ZEB2: variants seen among roughly 807,000 people sequenced by gnomAD.
The protein encoded by ZEB2 is zinc finger E-box-binding homeobox 2.
A neutral mutation model predicts 99.9 loss-of-function variants in ZEB2; 6 were observed. The observed-to-expected ratio is 0.06, with a 90% CI of 0.03 to 0.12. The LOEUF is 0.12. Among genes scored for constraint, ZEB2 ranks in the 10% least tolerant of loss-of-function variants. The pLI, the probability that ZEB2 is intolerant of heterozygous loss-of-function variation, is 1.00. For synonymous variants in ZEB2, 517 were observed against 542.5 expected, an observed-to-expected ratio of 0.95 and a Z score of 0.65; for missense variants, 969 against 1,502.8, an observed-to-expected ratio of 0.64 and a Z score of 5.87.
intron 2 of ZEB2, chr2:144,514,513 C>A (rs1705097501): frequency 6.6e-6 from 1 of 152,132 alleles, no homozygotes; most frequent in Admixed American, 6.5e-5. Context: ...ACATCTTTTC[C>A]ATGAATCCAG....
chr2:144,500,916 C>G (rs202124055), intron 2 of ZEB2, among the ~76,000 whole-genome samples: 2 of 152,206 alleles, frequency 1.3e-5, no homozygotes, highest in East Asian at 3.9e-4. Context: ...TGTGCTGTAG[C>G]GCTAGCCTAT....
chr2:144,421,363 T>G (rs1703616452), intron 4 of ZEB2, among the ~76,000 whole-genome samples: 1 of 152,150 alleles, frequency 6.6e-6, no homozygotes, highest in African/African-American at 2.4e-5. Context: ...AGATGCAATT[T>G]CAACCAGAAA....
chr2:144,451,534 T>A (rs1370903949), intron 2 of ZEB2, among the ~76,000 whole-genome samples: 1 of 152,200 alleles, frequency 6.6e-6, no homozygotes, highest in Non-Finnish European at 1.5e-5. Context: ...CTAGGAAAAC[T>A]TGGAAATTTT....
intron 1 of ZEB2, 181 bp downstream of exon 1, chr2:144,519,758 C>G (rs1281547672): frequency 1.7e-5 from 6 of 347,128 alleles, no homozygotes; most frequent in Non-Finnish European, 3.4e-5. Flanking sequence ...GCGAAGAAGC[C>G]ACTCTTGAGA....
At chr2:144,512,127 T>C (rs975930563) in intron 2 of ZEB2, 3 of 1,287,054 alleles carry the variant, frequency 2.3e-6, no homozygotes, top group Non-Finnish European at 3.0e-6. Flanking sequence ...GTTATAAACA[T>C]GTAAATGAAA....
chr2:144,499,578 A>T (rs977536563), intron 2 of ZEB2, among the ~76,000 whole-genome samples: 2 of 152,222 alleles, frequency 1.3e-5, no homozygotes, highest in Non-Finnish European at 2.9e-5. Context: ...AGATGTTTCT[A>T]GATGGAATAA....
chr2:144,396,286 T>C, intron 9 of ZEB2, 126 bp downstream of exon 9: 2 of 1,275,694 alleles, frequency 1.6e-6, no homozygotes, highest in Non-Finnish European at 1.1e-6. Context: ...GGCAAAAGCA[T>C]TATTTCTTCC....
intron 2 of ZEB2, among the ~76,000 whole-genome samples, chr2:144,477,137 C>T (rs1363793954): frequency 3.3e-5 from 5 of 152,132 alleles, no homozygotes; most frequent in Non-Finnish European, 7.3e-5. Flanking sequence ...AAAATGGGCA[C>T]TACCCAAGAA....
intron 2 of ZEB2, among the ~76,000 whole-genome samples, chr2:144,446,308 C>A (rs750389555): frequency 6.6e-6 from 1 of 151,842 alleles, no homozygotes; most frequent in Non-Finnish European, 1.5e-5. Flanking sequence ...CCCCTCTTTC[C>A]GTCCTTCCAC....
intron 2 of ZEB2, among the ~76,000 whole-genome samples, chr2:144,492,932 G>C (rs1195839804): frequency 2.0e-5 from 3 of 152,156 alleles, no homozygotes; most frequent in Non-Finnish European, 4.4e-5. Flanking sequence ...GCTGAGATGG[G>C]CAAGACTGCC....
At chr2:144,512,390 T>C in intron 2 of ZEB2, 1 of 1,287,242 alleles carries the variant, frequency 7.8e-7, no homozygotes, top group East Asian at 5.5e-5. Flanking sequence ...AGCAACGCCC[T>C]CCTTTCCTAC....
At chr2:144,403,125 G>T (rs935350393) in intron 6 of ZEB2, among the ~76,000 whole-genome samples, 3 of 152,182 alleles carry the variant, frequency 2.0e-5, no homozygotes, top group Admixed American at 2.0e-4. Context: ...ATATCAATTT[G>T]CAGAGTCAAT....
chr2:144,461,859 T>C (rs1398527003), intron 2 of ZEB2: 1 of 152,178 alleles, frequency 6.6e-6, no homozygotes, highest in African/African-American at 2.4e-5. Flanking sequence ...CACCGTTTTA[T>C]TACACACGTG....
In ZEB2 at chr2:144,386,491, T is replaced by C. The variant is rs1703085270; in HGVS notation, c.*2960A>G. 6.6e-6 allele frequency: 1 copy of C among 152,072 alleles called. No homozygotes were observed. The highest frequency in any genetic ancestry group is 1.5e-5 in the Non-Finnish European group (1 of 68,014). 9.4% of individuals were successfully genotyped at this position (152,072 alleles called of 1,614,324 possible). The stretch of plus-strand genomic sequence containing the variant: ...AGGTATTCTGAGCCTGCCTATGAAA[T>C]GGAGTTAGGAACAAATGACAGAGAA... On this transcript the variant is annotated 3_prime_UTR_variant, in exon 10 of 10. Coordinates refer to ENST00000627532, the MANE Select transcript of ZEB2 (RefSeq NM_014795.4).
chr2:144,413,940 A>G (rs1703499688), intron 4 of ZEB2, among the ~76,000 whole-genome samples: 2 of 152,204 alleles, frequency 1.3e-5, no homozygotes, highest in Non-Finnish European at 2.9e-5. Flanking sequence ...GAAAGTAAAA[A>G]AAGTTCTTCT....
At position 144,449,324 on chromosome 2, in the gene ZEB2, T is replaced by C. The variant is rs563588285; in HGVS notation, c.74-19298A>G. Among the ~76,000 whole-genome samples the C allele has an allele frequency of 2.6e-5, 4 of 152,308 alleles. No individual in the cohort carries two copies. In the South Asian group the frequency reaches 8.3e-4, roughly 32 times the overall value. The stretch of plus-strand genomic sequence containing the variant: ...GAAAATGTGCTTTGTTATTTCCTTC[T>C]GGCACCTTGCTCATTACCATTCTAA... On this transcript the variant is annotated intron_variant, in intron 2 of 9. Coordinates refer to ENST00000627532, the MANE Select transcript of ZEB2 (RefSeq NM_014795.4).
At chr2:144,468,785 G>A (rs983392318) in intron 2 of ZEB2, among the ~76,000 whole-genome samples, 2 of 152,086 alleles carry the variant, frequency 1.3e-5, no homozygotes, top group African/African-American at 2.4e-5. Flanking sequence ...CTGGGATGCT[G>A]TTTCTACCAC....
chr2:144,491,016 C>T (rs1043411228), intron 2 of ZEB2, among the ~76,000 whole-genome samples: 31 of 152,200 alleles, frequency 2.0e-4, no homozygotes, highest in Non-Finnish European at 2.6e-4. Context: ...GTCAGTGATC[C>T]GTGCGTTGAG....
chr2:144,405,397 T>C (rs1703372809), intron 4 of ZEB2: 1 of 229,384 alleles, frequency 4.4e-6, no homozygotes, highest in Admixed American at 5.3e-5. Flanking sequence ...CCTATTTTAA[T>C]AGTCTATCTG....
Sources: allele counts gnomAD v4.1 joint callset (sites outside exome capture counted in the v4.1 genomes callset), GRCh38; gene constraint gnomAD v4.1.1; transcripts MANE v1.5; gene names NCBI Gene and HGNC (gene_info 2026-07-23, HGNC 2026-07-21).